Variants in MSRA observed in about 807,000 individuals in gnomAD.
MSRA encodes methionine sulfoxide reductase A.
MSRA carries 54 observed loss-of-function variants against 31.3 expected under a neutral mutation model. The observed-to-expected ratio is 1.73, with a 90% CI of 1.39 to 2.17. The LOEUF (loss-of-function observed/expected upper bound fraction) is 2.17. Ranked by LOEUF, MSRA falls within the 30% of genes most tolerant of loss-of-function variation. MSRA has a pLI of 0.00. For synonymous variants in MSRA, 169 were observed against 116.5 expected (o/e 1.45, Z -2.90); for missense variants, 507 against 300.9 (o/e 1.69, Z -5.07).
chr8:10,144,793 G>T (rs1404467004), intron 1 of MSRA, among the ~76,000 whole-genome samples: 2 of 152,064 alleles, frequency 1.3e-5, no homozygotes, highest in Non-Finnish European at 2.9e-5. Context: ...CTCACAGCTG[G>T]CTCATCAGAG....
At chr8:10,088,472 C>A (rs543317321) in intron 1 of MSRA, among the ~76,000 whole-genome samples, 1 of 152,004 alleles carries the variant, frequency 6.6e-6, no homozygotes, top group Non-Finnish European at 1.5e-5. Context: ...TGGTGGCTCA[C>A]ACCTGTAATC....
intron 5 of MSRA, among the ~76,000 whole-genome samples, chr8:10,422,801 C>A (rs1312263434): frequency 2.0e-5 from 3 of 152,160 alleles, no homozygotes; most frequent in African/African-American, 4.8e-5. Flanking sequence ...AGAGGCAGGC[C>A]CTGGGGTTGA....
At chr8:10,196,631 C>T (rs897162623) in intron 1 of MSRA, among the ~76,000 whole-genome samples, 3 of 152,152 alleles carry the variant, frequency 2.0e-5, no homozygotes, top group African/African-American at 7.2e-5. Context: ...CTCATCGCAA[C>T]CTCTGCCTCC....
intron 1 of MSRA, among the ~76,000 whole-genome samples, chr8:10,124,642 AT>A (rs1801371436): frequency 6.6e-6 from 1 of 152,184 alleles, no homozygotes; most frequent in East Asian, 1.9e-4. Flanking sequence ...AGCTAAAATT[AT>A]TTTCATCATT....
intron 2 of MSRA, among the ~76,000 whole-genome samples, chr8:10,209,626 C>T (rs7823714): frequency 0.093 from 14,179 of 152,140 alleles, 1,131 homozygotes; most frequent in African/African-American, 0.22. Flanking sequence ...CCCCAAGGCC[C>T]TCATTGTTTC....
chr8:10,257,173 C>T (rs1329316813), intron 3 of MSRA, among the ~76,000 whole-genome samples: 1 of 151,958 alleles, frequency 6.6e-6, no homozygotes. Flanking sequence ...TCAGGGGTGG[C>T]CAGGAATGGG....
At chr8:10,307,634 C>T (rs186034164) in intron 4 of MSRA, among the ~76,000 whole-genome samples, 5 of 152,318 alleles carry the variant, frequency 3.3e-5, no homozygotes, top group East Asian at 3.9e-4. Context: ...AACTATTGTA[C>T]ACATAATGCA....
At chr8:10,098,472 T>C (rs1799320107) in intron 1 of MSRA, among the ~76,000 whole-genome samples, 1 of 152,210 alleles carries the variant, frequency 6.6e-6, no homozygotes, top group Non-Finnish European at 1.5e-5. Context: ...TCAACAAATG[T>C]TTATTGAGCA....
At chr8:10,076,885 A>T (rs1006324853) in intron 1 of MSRA, among the ~76,000 whole-genome samples, 40 of 151,938 alleles carry the variant, frequency 2.6e-4, no homozygotes, top group African/African-American at 9.4e-4. Flanking sequence ...GGAAGAGCAT[A>T]CACTGGGGCC....
At chr8:10,394,321 C>G (rs551528397) in intron 5 of MSRA, among the ~76,000 whole-genome samples, 3 of 152,308 alleles carry the variant, frequency 2.0e-5, no homozygotes, top group South Asian at 4.1e-4. Flanking sequence ...TAGCAGTGTA[C>G]CAGATCCTAC....
intron 1 of MSRA, among the ~76,000 whole-genome samples, chr8:10,134,131 C>T (rs756104577): frequency 2.0e-5 from 3 of 152,186 alleles, no homozygotes; most frequent in Non-Finnish European, 4.4e-5. Flanking sequence ...TGTGCCCGGC[C>T]TGGATCCTAT....
At position 10,378,030 on chromosome 8, in the gene MSRA, C is replaced by T. The variant is rs567578783; in HGVS notation, c.544-50118C>T. ...GCACCACCTGCTCAAGGCAAAAGGC[C>T]CCGGGTGGCCAGGCCAGCAGATGTC... On this transcript the variant is annotated intron_variant, in intron 5 of 5. Transcript: ENST00000317173. Among the ~76,000 whole-genome samples, 68 of 152,328 alleles carry T rather than the reference C, an allele frequency of 4.5e-4. 1 individual carries two copies. The South Asian group carries it at 0.013, about 30-fold the overall frequency.
At chr8:10,210,294 A>T (rs111611153) in intron 2 of MSRA, among the ~76,000 whole-genome samples, 291 of 152,242 alleles carry the variant, frequency 1.9e-3, no homozygotes, top group African/African-American at 6.8e-3. Context: ...CTACAGTTTG[A>T]GCCCAAGTCT....
chr8:10,326,570 C>T (rs935274621), intron 5 of MSRA: 2 of 152,168 alleles, frequency 1.3e-5, no homozygotes, highest in South Asian at 2.1e-4. Context: ...ATTCTGCTTA[C>T]AGAATTTGAC....
chr8:10,290,462 A>G (rs907548165), intron 3 of MSRA, among the ~76,000 whole-genome samples: 2 of 151,914 alleles, frequency 1.3e-5, no homozygotes, highest in Non-Finnish European at 2.9e-5. Flanking sequence ...TGTTCTGTCC[A>G]TTTCCTCCTT....
intron 5 of MSRA, chr8:10,336,773 C>T (rs1803073408): frequency 6.6e-6 from 1 of 152,164 alleles, no homozygotes; most frequent in Admixed American, 6.5e-5. Context: ...TACACATTTG[C>T]TTGGAATCGG....
chr8:10,257,368 T>C (rs1045571746), intron 3 of MSRA, among the ~76,000 whole-genome samples: 1 of 152,212 alleles, frequency 6.6e-6, no homozygotes, highest in Non-Finnish European at 1.5e-5. Flanking sequence ...TGACAGCCCA[T>C]GTATTCTACT....
At chr8:10,326,473 A>T (rs1802369076) in intron 5 of MSRA, 1 of 152,206 alleles carries the variant, frequency 6.6e-6, no homozygotes, top group Non-Finnish European at 1.5e-5. Context: ...AGATTAAAAG[A>T]GGCAGGAAAG....
intron 1 of MSRA, among the ~76,000 whole-genome samples, chr8:10,172,327 G>T (rs1190627641): frequency 6.6e-6 from 1 of 152,190 alleles, no homozygotes; most frequent in African/African-American, 2.4e-5. Flanking sequence ...TGGGGTTGGA[G>T]GGGTGGCAAA....
Sources: gnomAD v4.1 joint callset for allele counts (sites outside exome capture counted in the v4.1 genomes callset) on GRCh38, gnomAD v4.1.1 for gene constraint, MANE v1.5 for transcripts, NCBI Gene and HGNC (gene_info 2026-07-23, HGNC 2026-07-21) for gene names.